Variants in SHISA9 observed in about 807,000 individuals in gnomAD.
The protein encoded by SHISA9 is shisa family member 9.
In SHISA9, 13 loss-of-function variants were observed where a neutral mutation model predicts 38.0. The ratio of observed to expected loss-of-function variants is 0.34; its 90% confidence interval spans 0.22 to 0.54. The LOEUF is 0.54. Ranked by LOEUF, SHISA9 falls within the 20% of genes least tolerant of loss-of-function variation. The probability of loss-of-function intolerance (pLI) is 0.91; values close to 1 mark genes in which losing one functional copy is unlikely to be tolerated. For synonymous variants in SHISA9, 275 were observed against 242.0 expected, an observed-to-expected ratio of 1.14 and a Z score of -1.27; for missense variants, 538 against 575.8, an observed-to-expected ratio of 0.93 and a Z score of 0.67.
the SHISA9 span, among the ~76,000 whole-genome samples, chr16:13,448,055 C>T: frequency 1.3e-5 from 2 of 152,192 alleles, no homozygotes. Context: ...AGCATTACTT[C>T]CAGGGTGGGT....
Position 13,219,447 on chromosome 16 carries a change from C to T in SHISA9, c.895+6147C>T, listed in dbSNP as rs549656782. On this transcript the variant is annotated intron_variant, in intron 4 of 4. Transcript: ENST00000558583. Reference sequence around the variant, plus strand: ...ATTCTAGACCCAATACTGGTTTATCCATGTGACAGTCTTTGAGCTTGGTAT... The same window carrying T: ...ATTCTAGACCCAATACTGGTTTATCTATGTGACAGTCTTTGAGCTTGGTAT... Among the ~76,000 whole-genome samples, 7 of 152,288 alleles carry T rather than the reference C, an allele frequency of 4.6e-5. No homozygotes were observed. The South Asian group carries it at 1.5e-3, about 32-fold the overall frequency.
intron 2 of SHISA9, among the ~76,000 whole-genome samples, chr16:13,085,130 C>T (rs1365243351): frequency 1.3e-5 from 2 of 152,116 alleles, no homozygotes; most frequent in Non-Finnish European, 2.9e-5. Flanking sequence ...AGAAGGATAT[C>T]CTTACCAATA....
intron 2 of SHISA9, among the ~76,000 whole-genome samples, chr16:12,970,404 C>CATATATGTATATATATGT (rs1567357052): frequency 8.5e-5 from 1 of 11,722 alleles, no homozygotes; most frequent in Admixed American, 1.6e-3. Context: ...TATATATATA[C>CATATATGTATATATATGT]ATATATATAT....
chr16:13,342,099 G>C, the SHISA9 span, among the ~76,000 whole-genome samples: 40 of 152,142 alleles, frequency 2.6e-4, no homozygotes, highest in Admixed American at 5.9e-4. Context: ...GCCATGGTCT[G>C]TCTCCAAGAT....
the SHISA9 span, among the ~76,000 whole-genome samples, chr16:13,389,161 A>C: frequency 6.6e-6 from 1 of 152,190 alleles, no homozygotes; most frequent in Admixed American, 6.5e-5. Flanking sequence ...ATGTGTATTT[A>C]CCATGATAGT....
At chr16:13,084,162 A>G (rs1596637144) in intron 2 of SHISA9, among the ~76,000 whole-genome samples, 2 of 152,220 alleles carry the variant, frequency 1.3e-5, no homozygotes, top group Non-Finnish European at 2.9e-5. Flanking sequence ...TTTAAAAACA[A>G]GGAACCTGAG....
intron 2 of SHISA9, among the ~76,000 whole-genome samples, chr16:13,149,585 C>T (rs1289429468): frequency 1.3e-5 from 2 of 152,052 alleles, no homozygotes; most frequent in Admixed American, 1.3e-4. Context: ...ATCTCTGAGC[C>T]TCTCTTTTCC....
intron 4 of SHISA9, among the ~76,000 whole-genome samples, chr16:13,232,708 G>C (rs922915048): frequency 1.3e-5 from 2 of 152,206 alleles, no homozygotes; most frequent in African/African-American, 4.8e-5. Context: ...TGAGTGGGGA[G>C]CTTCAAGGCT....
chr16:13,059,350 A>G (rs1363765209), intron 2 of SHISA9, among the ~76,000 whole-genome samples: 2 of 151,970 alleles, frequency 1.3e-5, no homozygotes, highest in Admixed American at 6.6e-5. Flanking sequence ...GATGGTCTCA[A>G]TCTCCTGACC....
the SHISA9 span, among the ~76,000 whole-genome samples, chr16:13,342,281 C>A: frequency 2.0e-5 from 3 of 152,100 alleles, no homozygotes; most frequent in Admixed American, 6.6e-5. Flanking sequence ...GTCCTATGTA[C>A]AAACATCACA....
rs576864370 is a variant in SHISA9, at chr16:12,975,595, A to G, written c.691+58780A>G. On this transcript the variant is annotated intron_variant, in intron 2 of 4. Coordinates refer to ENST00000558583, the MANE Select transcript of SHISA9 (RefSeq NM_001145204.3). ...TGTTTAAGGATTAATAAACATATTT[A>G]GGTGATAATGACCAGTGAAAGGCAT... Among the ~76,000 whole-genome samples, 221 of 127,810 alleles carry G rather than the reference A, an allele frequency of 1.7e-3. 1 individual carries two copies. Among genetic ancestry groups the G allele is most frequent in the Admixed American group, 2.6e-3 (26 of 9,986 alleles). 83.8% of individuals were successfully genotyped at this position (127,810 alleles called of 152,430 possible). A position where few individuals can be genotyped will look rare whatever the true frequency, so the allele number is the denominator to read the frequency against.
the SHISA9 span, among the ~76,000 whole-genome samples, chr16:13,433,513 G>A: frequency 7.9e-6 from 1 of 126,824 alleles, no homozygotes; most frequent in Non-Finnish European, 1.7e-5. Context: ...TTATTTCATG[G>A]GTGAAGAAAG....
At chr16:13,267,950 T>C in the SHISA9 span, among the ~76,000 whole-genome samples, 1 of 151,864 alleles carries the variant, frequency 6.6e-6, no homozygotes, top group African/African-American at 2.4e-5. Flanking sequence ...ATAGGATACT[T>C]ATGGCCAAAG....
At chr16:13,328,417 C>CT in the SHISA9 span, among the ~76,000 whole-genome samples, 1,524 of 140,540 alleles carry the variant, frequency 0.011, 9 homozygotes, top group Middle Eastern at 0.04. Flanking sequence ...TCTCTTTTTC[C>CT]TTTTTTTTTT....
rs1353616880 is a variant in SHISA9 at position 13,060,631 on chromosome 16, C to A, written c.692-142763C>A. Among the ~76,000 whole-genome samples, 5 of 122,400 alleles carry A rather than the reference C, an allele frequency of 4.1e-5. No individual in the cohort carries two copies. In the South Asian group the frequency reaches 1.5e-3, roughly 36 times the overall value. 80.3% of individuals were successfully genotyped at this position (122,400 alleles called of 152,430 possible). ...CCAGTCTGGGCAACACAGTGAGACC[C>A]CATCTCAAAAAAAAAAAAAAAAAAA... On this transcript the variant is annotated intron_variant, in intron 2 of 4. Coordinates refer to ENST00000558583, the MANE Select transcript of SHISA9 (RefSeq NM_001145204.3).
intron 2 of SHISA9, among the ~76,000 whole-genome samples, chr16:13,157,761 A>T (rs2050559922): frequency 6.6e-6 from 1 of 152,164 alleles, no homozygotes; most frequent in Non-Finnish European, 1.5e-5. Flanking sequence ...GGAGGGAGAC[A>T]ACCCTTCTGC....
chr16:13,290,152 A>G, the SHISA9 span, among the ~76,000 whole-genome samples: 3 of 152,162 alleles, frequency 2.0e-5, no homozygotes, highest in Non-Finnish European at 4.4e-5. Context: ...TTTAGAGCCC[A>G]TTTGTAGTAT....
intron 2 of SHISA9, among the ~76,000 whole-genome samples, chr16:13,173,322 T>C (rs1479356327): frequency 2.0e-5 from 3 of 151,412 alleles, no homozygotes; most frequent in Admixed American, 6.6e-5. Context: ...TTGATATATA[T>C]ATATCCTATA....
At chr16:13,046,103 A>G (rs1479346171) in intron 2 of SHISA9, among the ~76,000 whole-genome samples, 1 of 152,216 alleles carries the variant, frequency 6.6e-6, no homozygotes. Flanking sequence ...CTGATGCAGG[A>G]TAGATATCTA....
Sources: gnomAD v4.1 joint callset for allele counts (sites outside exome capture counted in the v4.1 genomes callset) on GRCh38, gnomAD v4.1.1 for gene constraint, MANE v1.5 for transcripts, NCBI Gene and HGNC (gene_info 2026-07-23, HGNC 2026-07-21) for gene names.